The following ADGRL3 variants were observed in gnomAD, a reference collection of about 807,000 sequenced individuals.
The protein encoded by ADGRL3 is calcium-independent alpha-latrotoxin receptor 3.
Under a neutral mutation model 153.5 loss-of-function variants are expected in ADGRL3, and 62 were observed. The observed-to-expected ratio is 0.40, with a 90% confidence interval of 0.33 to 0.50. ADGRL3 has a LOEUF of 0.50. ADGRL3 is among the 20% of genes least tolerant of loss of function. The probability of loss-of-function intolerance (pLI) is 0.47; values close to 1 mark genes in which losing one functional copy is unlikely to be tolerated. For missense variants in ADGRL3, 1,641 were observed against 1,859.4 expected (o/e 0.88, Z 2.16); for synonymous variants, 710 against 672.5 (o/e 1.06, Z -0.86).
chr4:61,886,622 A>G (rs2098540539), intron 9 of ADGRL3, among the ~76,000 whole-genome samples: 1 of 101,670 alleles, frequency 9.8e-6, no homozygotes, highest in African/African-American at 3.6e-5. Flanking sequence ...AGTTTAGACT[A>G]CATTTGTTTG....
rs535510974 is a variant in ADGRL3, at chr4:62,068,755, G to A, written c.3832+572G>A. ...ACAAGATATAAAATGAAAATAAATC[G>A]CTTCACCCTATGTCTGTGATGGCTG... On this transcript the variant is annotated intron_variant, in intron 26 of 26. Coordinates refer to ENST00000683033, the MANE Select transcript of ADGRL3 (RefSeq NM_001387552.1). Among the ~76,000 whole-genome samples, 4 of 152,038 alleles carry A rather than the reference G, an allele frequency of 2.6e-5. No individual in the cohort carries two copies. The East Asian group carries it at 5.8e-4, about 22-fold the overall frequency.
chr4:61,619,608 C>T (rs916997143), intron 5 of ADGRL3, among the ~76,000 whole-genome samples: 7 of 151,982 alleles, frequency 4.6e-5, no homozygotes, highest in African/African-American at 1.5e-4. Context: ...CGATTTACAG[C>T]AACCTTTATG....
At chr4:62,054,051 A>C (rs1045934196) in intron 25 of ADGRL3, among the ~76,000 whole-genome samples, 3 of 151,742 alleles carry the variant, frequency 2.0e-5, no homozygotes, top group Admixed American at 2.0e-4. Flanking sequence ...ACTATCAAAT[A>C]ATCTGATTTA....
intron 15 of ADGRL3, 100 bp downstream of exon 15, chr4:61,936,145 C>G: frequency 1.5e-6 from 2 of 1,298,056 alleles, no homozygotes; most frequent in Non-Finnish European, 2.2e-6. Flanking sequence ...GGAGCTTTTC[C>G]CCTCTTCCTC....
intron 6 of ADGRL3, among the ~76,000 whole-genome samples, chr4:61,677,921 A>G (rs1365900725): frequency 1.3e-5 from 2 of 152,030 alleles, no homozygotes; most frequent in Admixed American, 6.6e-5. Flanking sequence ...AAGAATTGAA[A>G]TTTTAAAATA....
chr4:61,581,955 T>C (rs2098927698), intron 4 of ADGRL3, among the ~76,000 whole-genome samples: 1 of 152,142 alleles, frequency 6.6e-6, no homozygotes, highest in Non-Finnish European at 1.5e-5. Flanking sequence ...GCATTTCTTA[T>C]TGATTCTTTT....
At chr4:61,267,586 G>T (rs1230439707) in intron 1 of ADGRL3, among the ~76,000 whole-genome samples, 1 of 151,640 alleles carries the variant, frequency 6.6e-6, no homozygotes, top group Non-Finnish European at 1.5e-5. Flanking sequence ...CATTTACTGT[G>T]AATTGATATT....
intron 4 of ADGRL3, among the ~76,000 whole-genome samples, chr4:61,574,380 C>T (rs552388507): frequency 1.4e-3 from 216 of 151,954 alleles, no homozygotes; most frequent in Non-Finnish European, 2.5e-3. Context: ...ACTTTAGAAC[C>T]TTACTAATTA....
chr4:61,279,995 G>C (rs779747892), intron 1 of ADGRL3, among the ~76,000 whole-genome samples: 3 of 152,092 alleles, frequency 2.0e-5, no homozygotes, highest in Admixed American at 6.6e-5. Context: ...ACTCTGAGAA[G>C]TGTTGTGGTA....
intron 1 of ADGRL3, among the ~76,000 whole-genome samples, chr4:61,258,304 C>T (rs1211091658): frequency 6.6e-6 from 1 of 152,180 alleles, no homozygotes; most frequent in Admixed American, 6.5e-5. Context: ...TTAGAATCCT[C>T]TCTACATACA....
At position 61,979,572 on chromosome 4, in the gene ADGRL3, G is replaced by A. The variant is rs763041543; in HGVS notation, c.2815G>A (p.Ala939Thr). ...TTCATTGTGTTTCCAGCACAGTGAT[G>A]CGGTCCATGACCTCCTTCTGGATGT... ...MAHVEVKHSD[A>T]VHDLLLDVIT... Residue 939 changes from alanine to threonine, a missense_variant, in exon 18 of 27, where the codon GCG becomes ACG. This residue lies in a region of ADGRL3 where 734 missense variants were observed against 797.0 expected (regional missense o/e 0.92). Coordinates refer to ENST00000683033, the MANE Select transcript of ADGRL3 (RefSeq NM_001387552.1). 6.2e-7 allele frequency: 1 copy of A among 1,613,724 alleles called. No individual in the cohort carries two copies. The highest frequency in any genetic ancestry group is 1.1e-5 in the South Asian group (1 of 91,070).
chr4:61,367,015 C>A (rs952047231), intron 1 of ADGRL3, among the ~76,000 whole-genome samples: 2 of 152,060 alleles, frequency 1.3e-5, no homozygotes, highest in African/African-American at 4.8e-5. Context: ...TGATTGTAAA[C>A]AATGTTCTTT....
At chr4:61,715,341 G>C (rs1410166577) in intron 6 of ADGRL3, among the ~76,000 whole-genome samples, 2 of 152,136 alleles carry the variant, frequency 1.3e-5, no homozygotes, top group Admixed American at 6.6e-5. Context: ...CATGGTGAAG[G>C]TGGGATTTCA....
intron 9 of ADGRL3, among the ~76,000 whole-genome samples, chr4:61,883,821 A>G (rs995734187): frequency 6.6e-6 from 1 of 152,134 alleles, no homozygotes; most frequent in African/African-American, 2.4e-5. Flanking sequence ...TCCATAAGAT[A>G]CAGTTTATTA....
rs575672913 is a variant in ADGRL3 at position 62,069,980 on chromosome 4, T to A, written c.3833-129T>A. On this transcript the variant is annotated intron_variant, in intron 26 of 26. Coordinates refer to ENST00000683033, the MANE Select transcript of ADGRL3 (RefSeq NM_001387552.1). The stretch of plus-strand genomic sequence containing the variant: ...TATTTTCTGTTTCCTTCCAAACATT[T>A]TATACTTAAGTAAATGCTAGCAATT... 97 of 735,470 alleles carry A rather than the reference T, an allele frequency of 1.3e-4. No individual in the cohort carries two copies. In the African/African-American group the frequency reaches 1.5e-3, roughly 12 times the overall value. The allele number at this position is 735,470 out of a possible 1,614,324, so 45.6% of individuals were successfully genotyped here.
intron 1 of ADGRL3, among the ~76,000 whole-genome samples, chr4:61,377,728 G>A (rs1189365317): frequency 6.7e-6 from 1 of 149,162 alleles, no homozygotes; most frequent in African/African-American, 2.5e-5. Context: ...CTCTTTTTTT[G>A]CTCACTTTGC....
chr4:61,926,010 C>T (rs574662782), intron 13 of ADGRL3, among the ~76,000 whole-genome samples: 1 of 152,242 alleles, frequency 6.6e-6, no homozygotes, highest in East Asian at 1.9e-4. Flanking sequence ...ATGTTACACA[C>T]CTAGGCTACA....
At chr4:61,995,026 C>G (rs895074545) in intron 19 of ADGRL3, among the ~76,000 whole-genome samples, 1 of 151,762 alleles carries the variant, frequency 6.6e-6, no homozygotes, top group Non-Finnish European at 1.5e-5. Context: ...GATCCTACCA[C>G]CTCAGCCTCC....
chr4:61,327,131 C>T (rs2095480900), intron 1 of ADGRL3, among the ~76,000 whole-genome samples: 1 of 151,880 alleles, frequency 6.6e-6, no homozygotes. Context: ...TCGTTTTACT[C>T]CTTGCTATGA....
Sources: gnomAD v4.1 joint callset for allele counts (sites outside exome capture counted in the v4.1 genomes callset) on GRCh38, gnomAD v4.1.1 for gene constraint, gnomAD v4.1.1 regional missense constraint, MANE v1.5 for transcripts, NCBI Gene and HGNC (gene_info 2026-07-23, HGNC 2026-07-21) for gene names.